The following PLA2G4D variants were observed in gnomAD, a reference collection of about 807,000 sequenced individuals.
PLA2G4D encodes cytosolic phospholipase A2 delta.
A neutral mutation model predicts 94.4 loss-of-function variants in PLA2G4D; 80 were observed. The ratio of observed to expected loss-of-function variants is 0.85; its 90% confidence interval spans 0.71 to 1.02. The LOEUF is 1.02. Among genes scored for constraint, PLA2G4D ranks in the 50% least tolerant of loss-of-function variants. The pLI is 0.00. For missense variants in PLA2G4D, 1,050 were observed against 1,034.7 expected (o/e 1.01, Z -0.20); for synonymous variants, 438 against 440.9 (o/e 0.99, Z 0.08).
At position 42,067,917 on chromosome 15, in the gene PLA2G4D, GA is replaced by G. The variant is rs1340287627; in HGVS notation, c.*797del. On this transcript the variant is annotated 3_prime_UTR_variant, in exon 20 of 20. Coordinates refer to ENST00000290472, the MANE Select transcript of PLA2G4D (RefSeq NM_178034.4). The stretch of plus-strand genomic sequence containing the variant: ...GGAACAAGACAAGATGTCTGCTCTT[GA>G]AACGTGTGTTCATCATTGTACTGCT... The G allele has an allele frequency of 6.6e-6, 1 of 152,216 alleles. No homozygotes were observed. Among genetic ancestry groups the G allele is most frequent in the Admixed American group, 6.5e-5 (1 of 15,286 alleles). 9.4% of individuals were successfully genotyped at this position (152,216 alleles called of 1,614,324 possible). A position where few individuals can be genotyped will look rare whatever the true frequency, so the allele number is the denominator to read the frequency against.
Position 42,079,551 on chromosome 15 carries a change from T to C in PLA2G4D, c.1303A>G (p.Met435Val), listed in dbSNP as rs1198719089. Residue 435 changes from methionine to valine, a missense_variant, in exon 13 of 20, where the codon ATG (methionine) becomes GTG (valine). Coordinates refer to ENST00000290472, the MANE Select transcript of PLA2G4D (RefSeq NM_178034.4). ...VDLWALVLES[M>V]LHGQVMDQKL... ...AGGCGCCCTACCTGGCCGTGCAGCA[T>C]GGACTCCAGCACTAGCGCCCACAGG... 1 of 1,605,734 alleles carries C rather than the reference T, an allele frequency of 6.2e-7. No homozygotes were observed. The highest frequency in any genetic ancestry group is 2.2e-5 in the East Asian group (1 of 44,564).
chr15:42,084,166 G>A lies in PLA2G4D; in HGVS notation c.472-387C>T, dbSNP rs1890096486. ...CAAGCCGCCCATCCATAGGAGGGTA[G>A]ACGGGGCGTCGGACAAACCCTCAGA... is the stretch of plus-strand genomic sequence containing the variant. On this transcript the variant is annotated intron_variant, in intron 6 of 19. Coordinates refer to ENST00000290472, the MANE Select transcript of PLA2G4D (RefSeq NM_178034.4). This position sits in a 1 kb window ranked among gnomAD's most constrained non-coding sequence, Gnocchi z 4.8. 4.8e-6 allele frequency: 1 copy of A among 207,116 alleles called. No homozygotes were observed. The highest frequency in any genetic ancestry group is 9.9e-6 in the Non-Finnish European group (1 of 101,186). 12.8% of individuals were successfully genotyped at this position (207,116 alleles called of 1,614,324 possible). A position where few individuals can be genotyped will look rare whatever the true frequency, so the allele number is the denominator to read the frequency against.
chr15:42,070,025 T>G lies in PLA2G4D; in HGVS notation c.2114A>C (p.Gln705Pro). The change falls in exon 19 of 20, where the codon CAG (glutamine) becomes CCG (proline). Residue 705 changes from glutamine to proline, a missense_variant. Transcript: ENST00000290472. ...LPFPRVEPSP[Q>P]DQHQPRECHL... Reference sequence around the variant, plus strand: ...GCATTCCCTTGGCTGGTGCTGGTCCTGAGGGCTGGGTTCCACCCGGGGGAA... The same window carrying G: ...GCATTCCCTTGGCTGGTGCTGGTCCGGAGGGCTGGGTTCCACCCGGGGGAA... The G allele has an allele frequency of 6.6e-7, 1 of 1,516,086 alleles. No homozygotes were observed. 93.9% of individuals were successfully genotyped at this position (1,516,086 alleles called of 1,614,324 possible).
At chr15:42,071,639 C>G in intron 15 of PLA2G4D, 88 bp from the exon 16 acceptor site, 1 of 1,485,942 alleles carries the variant, frequency 6.7e-7, no homozygotes, top group Non-Finnish European at 9.3e-7. Flanking sequence ...GGGGCGAGGG[C>G]TACCCCTACA....
intron 13 of PLA2G4D, 117 bp from the exon 14 acceptor site, chr15:42,072,509 C>A (rs536153968): frequency 3.8e-6 from 3 of 783,040 alleles, no homozygotes; most frequent in South Asian, 3.2e-5. Flanking sequence ...CAGCTCCTCC[C>A]GTGGGGTCTG....
Position 42,090,243 on chromosome 15 carries a change from T to C in PLA2G4D, c.46-2543A>G, listed in dbSNP as rs188637318. ...AGTATTCTGAGGCTTAAAATGTTAA[T>C]GCCTGCAGACTGCTTAGGAATAAAG... On this transcript the variant is annotated intron_variant, in intron 1 of 19. Coordinates refer to ENST00000290472, the MANE Select transcript of PLA2G4D (RefSeq NM_178034.4). Among the ~76,000 whole-genome samples the C allele has an allele frequency of 2.3e-4, 35 of 152,342 alleles. No homozygotes were observed. The East Asian group carries it at 6.5e-3, about 29-fold the overall frequency.
intron 18 of PLA2G4D, 36 bp from the exon 19 acceptor site, chr15:42,070,131 C>T (rs868622327): frequency 1.1e-5 from 16 of 1,452,646 alleles, no homozygotes; most frequent in Admixed American, 2.9e-5. Context: ...AGAACCAGCC[C>T]GGCCCAGGTC....
chr15:42,083,301 T>C lies in PLA2G4D; in HGVS notation c.569A>G (p.Lys190Arg). The change falls in exon 8 of 20, where the codon AAG becomes AGG. Residue 190 changes from lysine to arginine, a missense_variant. By Grantham distance (26) the Lys-to-Arg change is conservative. Coordinates refer to ENST00000290472, the MANE Select transcript of PLA2G4D (RefSeq NM_178034.4). ...QDKLELELVL[K>R]GSYEDTQTSF... ...TGTCTGTGTGTCCTCATAGGACCCC[T>C]TCAGCACCAGCTCCAGCTCCAGCTT... 6.2e-7 allele frequency: 1 copy of C among 1,614,044 alleles called. No homozygotes were observed. Among genetic ancestry groups the C allele is most frequent in the South Asian group, 1.1e-5 (1 of 91,082 alleles).
chr15:42,074,018 G>A (rs1162148064), intron 13 of PLA2G4D, among the ~76,000 whole-genome samples: 1 of 152,220 alleles, frequency 6.6e-6, no homozygotes. Context: ...TGGTGGTGGT[G>A]TACGTACGAG....
intron 17 of PLA2G4D, 46 bp from the exon 18 acceptor site, chr15:42,070,929 G>A (rs1889799720): frequency 1.9e-6 from 3 of 1,582,486 alleles, no homozygotes; most frequent in South Asian, 2.3e-5. Context: ...CCTGCCACAG[G>A]TCATCCATGT....
rs201139245 is a variant in PLA2G4D at position 42,082,350 on chromosome 15, C to T, written c.712G>A (p.Gly238Arg). Residue 238 changes from glycine (G) to arginine (R), a missense_variant, in exon 9 of 20, where the codon GGG becomes AGG. Transcript: ENST00000290472. ...SNGWNGDNSA[G>R]YLTVPLRPLT... ...GGCCTCAGGGGCACAGTGAGGTACC[C>T]AGCTGAGTTGTCCCCATTCCAGCCA... 129 of 1,614,166 alleles carry T rather than the reference C, an allele frequency of 8.0e-5. No individual in the cohort carries two copies. In the East Asian group the frequency reaches 2.7e-3, roughly 33 times the overall value.
intron 18 of PLA2G4D, chr15:42,070,330 C>A: frequency 1.9e-6 from 1 of 523,976 alleles, no homozygotes; most frequent in South Asian, 2.9e-5. Flanking sequence ...CATCCCCCAG[C>A]CCCCCAAAAC....
chr15:42,084,017 T>G lies in PLA2G4D; in HGVS notation c.472-238A>C. On this transcript the variant is annotated intron_variant, in intron 6 of 19. Transcript: ENST00000290472. The surrounding 1 kb of genome is among the most constrained non-coding windows in gnomAD (Gnocchi z 4.8). ...CTCCACACCTCCCCTCCAGCTCCCC[T>G]GGCTTTGCCAAACTCCCGAAACCTC... 1.9e-6 allele frequency: 1 copy of G among 529,432 alleles called. No homozygotes were observed. Among genetic ancestry groups the G allele is most frequent in the South Asian group, 2.5e-5 (1 of 40,730 alleles). 32.8% of individuals were successfully genotyped at this position (529,432 alleles called of 1,614,324 possible).
rs747539843 is a variant in PLA2G4D at position 42,069,910 on chromosome 15, G to C, written c.2229C>G (p.Pro743=). The change falls in exon 19 of 20, where the codon CCC becomes CCG. Residue 743 remains proline (P), a splice_region_variant and synonymous_variant. Transcript: ENST00000290472. ...VNASFKDHSA[P]GVQRSPAELQ... ...GGTGCTTGGGAGGGGCTGCCTCACC[G>C]GGGGCTGAGTGGTCCTTGAAGGAGG... The C allele has an allele frequency of 7.1e-7, 1 of 1,414,362 alleles. No individual in the cohort carries two copies. The highest frequency in any genetic ancestry group is 9.2e-7 in the Non-Finnish European group (1 of 1,084,042). The allele number at this position is 1,414,362 out of a possible 1,614,324, so 87.6% of individuals were successfully genotyped here.
At chr15:42,090,551 C>T (rs1032426116) in intron 1 of PLA2G4D, among the ~76,000 whole-genome samples, 11 of 152,164 alleles carry the variant, frequency 7.2e-5, no homozygotes, top group African/African-American at 2.7e-4. Flanking sequence ...CGCCCTGTTC[C>T]CTGCTAGCAC....
At chr15:42,082,977 G>A (rs1390652236) in intron 8 of PLA2G4D, among the ~76,000 whole-genome samples, 1 of 152,224 alleles carries the variant, frequency 6.6e-6, no homozygotes, top group Admixed American at 6.5e-5. Flanking sequence ...CACTGGAGGG[G>A]CCGCTGGAGG....
intron 13 of PLA2G4D, among the ~76,000 whole-genome samples, chr15:42,073,564 C>G (rs1396482780): frequency 6.6e-6 from 1 of 152,216 alleles, no homozygotes; most frequent in Non-Finnish European, 1.5e-5. Context: ...CGTCATCCTT[C>G]CTTTGGGCTC....
Position 42,069,968 on chromosome 15 carries a change from GC to G in PLA2G4D, c.2170del (p.Ala724ProfsTer48). On this transcript the variant is annotated frameshift_variant, in exon 19 of 20. Transcript: ENST00000290472. LOFTEE classifies it high-confidence loss of function. ...HLFSDPACPE[A>X]PILLHFPLVN... is the part of the protein sequence containing the mutation. ...CAGCGGGAAGTGCAGCAGGATCGGG[GC>G]CTCGGGGCAGGCGGGGTCTGAGAAG... is the stretch of plus-strand genomic sequence containing the variant. The G allele has an allele frequency of 6.8e-7, 1 of 1,469,182 alleles. No homozygotes were observed. Among genetic ancestry groups the G allele is most frequent in the Non-Finnish European group, 9.0e-7 (1 of 1,113,874 alleles). 91.0% of individuals were successfully genotyped at this position (1,469,182 alleles called of 1,614,324 possible). A position where few individuals can be genotyped will look rare whatever the true frequency, so the allele number is the denominator to read the frequency against.
chr15:42,085,394 C>T (rs1890121760), intron 5 of PLA2G4D, 97 bp downstream of exon 5: 2 of 1,384,400 alleles, frequency 1.4e-6, no homozygotes, highest in African/African-American at 2.8e-5. Context: ...AGATGAGGGA[C>T]AGTCAGGCTG....
Sources: allele counts gnomAD v4.1 joint callset (sites outside exome capture counted in the v4.1 genomes callset), GRCh38; gene constraint gnomAD v4.1.1; non-coding constraint Gnocchi (gnomAD v3.1); transcripts MANE v1.5; gene names NCBI Gene and HGNC (gene_info 2026-07-23, HGNC 2026-07-21).